The following THAP12 variants were observed in gnomAD, a reference collection of about 807,000 sequenced individuals.
THAP12 encodes the protein 52 kDa repressor of the inhibitor of the protein kinase.
In THAP12, 20 loss-of-function variants were observed where a neutral mutation model predicts 63.0. The ratio of observed to expected loss-of-function variants is 0.32; its 90% confidence interval spans 0.22 to 0.46. The LOEUF is 0.46. THAP12 is among the 20% of genes least tolerant of loss of function. THAP12 has a pLI of 1.00. For synonymous variants in THAP12, 264 were observed against 328.4 expected, an observed-to-expected ratio of 0.80 and a Z score of 2.12; for missense variants, 568 against 908.2, an observed-to-expected ratio of 0.63 and a Z score of 4.81.
chr11:76,356,341 G>A (rs1301682878), intron 3 of THAP12: 1 of 152,236 alleles, frequency 6.6e-6, no homozygotes, highest in African/African-American at 2.4e-5. Context: ...TGGACATGGT[G>A]CTGATAACAA....
chr11:76,379,586 C>T (rs1565237623), intron 1 of THAP12, among the ~76,000 whole-genome samples: 1 of 152,188 alleles, frequency 6.6e-6, no homozygotes, highest in African/African-American at 2.4e-5. Flanking sequence ...GCCCCTTCAC[C>T]TGGTCTTTGC....
At chr11:76,360,915 T>C in intron 3 of THAP12, 41 bp downstream of exon 3, 2 of 1,324,450 alleles carry the variant, frequency 1.5e-6, no homozygotes, top group Non-Finnish European at 2.2e-6. Flanking sequence ...TTTCATAGTA[T>C]TATGGGGGAA....
intron 1 of THAP12, among the ~76,000 whole-genome samples, chr11:76,373,664 G>A (rs931536374): frequency 5.3e-5 from 8 of 151,472 alleles, no homozygotes; most frequent in African/African-American, 1.9e-4. Context: ...TGAGGCTGCA[G>A]TGAGCCATGC....
intron 3 of THAP12, chr11:76,357,294 T>C (rs1045015905): frequency 5.9e-4 from 90 of 152,172 alleles, no homozygotes; most frequent in African/African-American, 2.1e-3. Context: ...CAGTCCTCCA[T>C]GGACACCAAG....
chr11:76,376,385 G>A (rs534364026), intron 1 of THAP12, among the ~76,000 whole-genome samples: 7 of 152,312 alleles, frequency 4.6e-5, no homozygotes, highest in Non-Finnish European at 7.3e-5. Context: ...GTGTGATCCT[G>A]GGAACAAAAC....
intron 1 of THAP12, among the ~76,000 whole-genome samples, chr11:76,376,170 GA>G (rs1946708500): frequency 6.6e-6 from 1 of 152,298 alleles, no homozygotes; most frequent in African/African-American, 2.4e-5. Context: ...TAACGCCACT[GA>G]ATTGCACACT....
chr11:76,366,606 G>A (rs1489645319), intron 1 of THAP12, among the ~76,000 whole-genome samples: 6 of 152,118 alleles, frequency 3.9e-5, no homozygotes, highest in East Asian at 3.9e-4. Flanking sequence ...GCGTGAACCC[G>A]GGAGGCGGAG....
At chr11:76,357,196 T>C (rs1332199736) in intron 3 of THAP12, 6 of 152,218 alleles carry the variant, frequency 3.9e-5, no homozygotes, top group Non-Finnish European at 5.9e-5. Context: ...CGGGAGGATG[T>C]GTGTAAGTTA....
At chr11:76,367,638 G>A (rs1056241322) in intron 1 of THAP12, among the ~76,000 whole-genome samples, 2 of 150,718 alleles carry the variant, frequency 1.3e-5, no homozygotes, top group Admixed American at 1.3e-4. Flanking sequence ...GGCTAGCTTG[G>A]TCTCGAACTC....
At chr11:76,371,974 G>A (rs1339576791) in intron 1 of THAP12, among the ~76,000 whole-genome samples, 5 of 151,460 alleles carry the variant, frequency 3.3e-5, no homozygotes, top group South Asian at 4.2e-4. Flanking sequence ...CACCATGCCC[G>A]GTTAATTTTT....
chr11:76,367,250 AT>A (rs1946637987), intron 1 of THAP12, among the ~76,000 whole-genome samples: 1 of 151,744 alleles, frequency 6.6e-6, no homozygotes, highest in African/African-American at 2.4e-5. Flanking sequence ...CTAATTTTGT[AT>A]TTTTAGTAGA....
intron 4 of THAP12, among the ~76,000 whole-genome samples, chr11:76,353,145 A>G (rs1201705953): frequency 6.6e-6 from 1 of 152,170 alleles, no homozygotes; most frequent in African/African-American, 2.4e-5. Flanking sequence ...CCTCAGCTCC[A>G]AAGTACAAGG....
chr11:76,355,675 AG>A (rs925560764), intron 3 of THAP12, 21 bp from the exon 4 acceptor site: 1 of 1,564,406 alleles, frequency 6.4e-7, no homozygotes, highest in African/African-American at 1.4e-5. Flanking sequence ...AGAAAAAAAA[AG>A]AAAAAAACAA....
chr11:76,361,088 C>T, intron 2 of THAP12, 25 bp from the exon 3 acceptor site: 1 of 1,430,904 alleles, frequency 7.0e-7, no homozygotes, highest in Non-Finnish European at 9.8e-7. Flanking sequence ...TGTGTTAATT[C>T]AGAGATGGTC....
intron 1 of THAP12, among the ~76,000 whole-genome samples, chr11:76,375,003 C>G (rs1208477526): frequency 6.6e-6 from 1 of 152,160 alleles, no homozygotes; most frequent in African/African-American, 2.4e-5. Flanking sequence ...CTTGGACTTC[C>G]CAGCTTCCAG....
At chr11:76,365,352 G>A (rs771035393) in intron 2 of THAP12, among the ~76,000 whole-genome samples, 36 of 150,980 alleles carry the variant, frequency 2.4e-4, no homozygotes, top group Admixed American at 1.3e-4. Flanking sequence ...ACCAGGAACC[G>A]AAGAGTTTTG....
chr11:76,352,246 C>T lies in THAP12; in HGVS notation c.904G>A (p.Asp302Asn), dbSNP rs771349332. 8.1e-6 allele frequency: 13 copies of T among 1,611,726 alleles called. No homozygotes were observed. The Admixed American group carries it at 8.3e-5, about 10-fold the overall frequency. Residue 302 changes from aspartate (D) to asparagine (N), a missense_variant, in exon 5 of 5, where the codon GAT becomes AAT. Transcript: ENST00000260045. ...AATTTCACAGCCAAAATTTCTGCAT[C>T]GGCTTCATAAGGCAGGAAGCCTATA... Reference protein sequence around the residue: ...EFIGFLPYEADAEILAVKFHT... With the variant: ...EFIGFLPYEANAEILAVKFHT...
At chr11:76,359,743 C>T (rs952455976) in intron 3 of THAP12, among the ~76,000 whole-genome samples, 5 of 150,622 alleles carry the variant, frequency 3.3e-5, no homozygotes, top group Non-Finnish European at 7.4e-5. Context: ...AGGAGAATTG[C>T]TGGAAACCGG....
intron 2 of THAP12, among the ~76,000 whole-genome samples, chr11:76,361,844 A>T (rs1188524026): frequency 6.6e-6 from 1 of 152,232 alleles, no homozygotes; most frequent in African/African-American, 2.4e-5. Flanking sequence ...TTTTTAACAC[A>T]TACTACAAAA....
Sources: gnomAD v4.1 joint callset for allele counts (sites outside exome capture counted in the v4.1 genomes callset) on GRCh38, gnomAD v4.1.1 for gene constraint, MANE v1.5 for transcripts, NCBI Gene and HGNC (gene_info 2026-07-23, HGNC 2026-07-21) for gene names.